The following RHBDF2 variants were observed in gnomAD, a reference collection of about 807,000 sequenced individuals.
The protein encoded by RHBDF2 is inactive rhomboid protein 2.
In RHBDF2, 38 loss-of-function variants were observed where a neutral mutation model predicts 95.2. That is an observed-to-expected ratio of 0.40 (90% CI 0.31 to 0.52). The LOEUF is 0.52. Ranked by LOEUF, RHBDF2 falls within the 20% of genes least tolerant of loss-of-function variation. The probability of loss-of-function intolerance (pLI) is 0.56; values close to 1 mark genes in which losing one functional copy is unlikely to be tolerated. For synonymous variants in RHBDF2, 442 were observed against 462.0 expected, an observed-to-expected ratio of 0.96 and a Z score of 0.55; for missense variants, 863 against 1,137.7, an observed-to-expected ratio of 0.76 and a Z score of 3.47.
chr17:76,481,167 C>T (rs541184333), intron 3 of RHBDF2, among the ~76,000 whole-genome samples: 1 of 152,308 alleles, frequency 6.6e-6, no homozygotes, highest in Non-Finnish European at 1.5e-5. Flanking sequence ...CCCCTGACCA[C>T]GATGAGAGTG....
intron 15 of RHBDF2, 42 bp downstream of exon 15, chr17:76,473,606 G>T (rs772937305): frequency 6.5e-5 from 99 of 1,518,678 alleles, no homozygotes; most frequent in South Asian, 3.7e-4. Flanking sequence ...CGCAGCTCGG[G>T]GGGGCAGTGG....
intron 8 of RHBDF2, 67 bp downstream of exon 8, chr17:76,477,113 G>A (rs954097503): frequency 6.2e-7 from 1 of 1,610,084 alleles, no homozygotes; most frequent in South Asian, 1.1e-5. Flanking sequence ...TGGGGGCCAG[G>A]GTGAGGTCTG....
intron 2 of RHBDF2, chr17:76,481,874 C>G (rs2073977523): frequency 9.6e-6 from 2 of 208,914 alleles, no homozygotes; most frequent in Non-Finnish European, 2.0e-5. Context: ...TGGCTTGAAC[C>G]CAGGAGGCAG....
At chr17:76,476,507 C>G in intron 9 of RHBDF2, 1 of 303,462 alleles carries the variant, frequency 3.3e-6, no homozygotes, top group East Asian at 7.1e-5. Flanking sequence ...CCTCCCTGCT[C>G]CACCCTCTGG....
At chr17:76,482,773 A>C (rs74961077) in intron 2 of RHBDF2, among the ~76,000 whole-genome samples, 1 of 145,772 alleles carries the variant, frequency 6.9e-6, no homozygotes, top group Non-Finnish European at 1.5e-5. Flanking sequence ...AAAATGTCTC[A>C]AAAAAAAAAG....
chr17:76,480,667 T>C (rs914051377), intron 3 of RHBDF2, among the ~76,000 whole-genome samples: 2 of 152,222 alleles, frequency 1.3e-5, no homozygotes. Flanking sequence ...ATTACAGGCA[T>C]GAGGCGACCT....
chr17:76,493,528 C>T (rs941598662), intron 1 of RHBDF2, among the ~76,000 whole-genome samples: 2 of 151,830 alleles, frequency 1.3e-5, no homozygotes, highest in African/African-American at 4.8e-5. Context: ...TGGGGAGAGT[C>T]ATGAGAGGCA....
Position 76,496,152 on chromosome 17 carries a change from C to T in RHBDF2, c.-220+5201G>A, listed in dbSNP as rs189803572. On this transcript the variant is annotated intron_variant, in intron 1 of 18. Coordinates refer to ENST00000675367, the MANE Select transcript of RHBDF2 (RefSeq NM_001005498.4). Reference sequence around the variant, plus strand: ...TGTGAGATGGGTTGATGCCCCACCACGGAGGGAGCCAGGGAAGATGACAGC... The same window carrying T: ...TGTGAGATGGGTTGATGCCCCACCATGGAGGGAGCCAGGGAAGATGACAGC... Among the ~76,000 whole-genome samples, 9 of 152,286 alleles carry T rather than the reference C, an allele frequency of 5.9e-5. No individual in the cohort carries two copies. The East Asian group carries it at 1.4e-3, about 23-fold the overall frequency.
intron 2 of RHBDF2, among the ~76,000 whole-genome samples, chr17:76,487,022 G>A (rs1240881988): frequency 4.4e-5 from 6 of 135,086 alleles, no homozygotes; most frequent in African/African-American, 1.6e-4. Context: ...GCAGTGGCAC[G>A]ATCTGAGCTC....
intron 1 of RHBDF2, among the ~76,000 whole-genome samples, chr17:76,498,848 GTGTGTGTCTCTGTGTGTCTGTT>G (rs1283150059): frequency 6.7e-6 from 1 of 148,852 alleles, no homozygotes; most frequent in African/African-American, 2.5e-5. Context: ...CTGTGTGTTT[GTGTGTGTCTCTGTGTGTCTGTT>G]TGTGTGTGTC....
In RHBDF2 at chr17:76,477,282, A is replaced by G; in HGVS notation, c.818T>C (p.Met273Thr). The G allele has an allele frequency of 6.2e-7, 1 of 1,611,938 alleles. No homozygotes were observed. Among genetic ancestry groups the G allele is most frequent in the South Asian group, 1.1e-5 (1 of 90,736 alleles). Residue 273 changes from methionine (M) to threonine (T), a missense_variant, in exon 8 of 19, where the codon ATG becomes ACG. Transcript: ENST00000675367. ...SFFSKEEMSS[M>T]PDDVFESPPL... ...GGGGGACTCAAAGACATCATCAGGC[A>G]TGGAGCTCATTTCTTCCTGGGGTGG...
chr17:76,474,589 G>A, intron 11 of RHBDF2, 55 bp from the exon 12 acceptor site: 1 of 1,610,650 alleles, frequency 6.2e-7, no homozygotes, highest in Non-Finnish European at 8.5e-7. Flanking sequence ...ACCTGGGAGG[G>A]GTCCATCACT....
At chr17:76,476,489 G>T in intron 9 of RHBDF2, 2 of 255,274 alleles carry the variant, frequency 7.8e-6, no homozygotes, top group Non-Finnish European at 1.5e-5. Context: ...TCCTCTGACC[G>T]ACCCTGCCCT....
At chr17:76,495,510 C>G (rs1027084114) in intron 1 of RHBDF2, among the ~76,000 whole-genome samples, 20 of 152,202 alleles carry the variant, frequency 1.3e-4, no homozygotes, top group Admixed American at 4.6e-4. Flanking sequence ...TAGTATCCTC[C>G]CAGGGTCTAA....
At chr17:76,494,547 T>A (rs1409017808) in intron 1 of RHBDF2, among the ~76,000 whole-genome samples, 1 of 151,440 alleles carries the variant, frequency 6.6e-6, no homozygotes, top group Non-Finnish European at 1.5e-5. Context: ...AGGTCAGGAG[T>A]TCTAGACTAG....
chr17:76,495,502 G>A (rs1598172503), intron 1 of RHBDF2, among the ~76,000 whole-genome samples: 1 of 152,236 alleles, frequency 6.6e-6, no homozygotes, highest in South Asian at 2.1e-4. Flanking sequence ...TAAGATGCTA[G>A]TATCCTCCCA....
chr17:76,477,592 A>C, intron 7 of RHBDF2, 65 bp downstream of exon 7: 1 of 1,551,530 alleles, frequency 6.4e-7, no homozygotes. Flanking sequence ...ATCAATGCCA[A>C]GGTCACCTCA....
chr17:76,498,789 A>AGTGTGTGTGTGTGTGTGTGTGTGTGTGT (rs60130089), intron 1 of RHBDF2, among the ~76,000 whole-genome samples: 2 of 143,662 alleles, frequency 1.4e-5, no homozygotes, highest in Non-Finnish European at 1.5e-5. Context: ...AGAGAAAGAG[A>AGTGTGTGTGTGTGTGTGTGTGTGTGTGT]GTGTGTGTGT....
chr17:76,478,058 T>G (rs1401354684), intron 6 of RHBDF2, among the ~76,000 whole-genome samples: 1 of 152,188 alleles, frequency 6.6e-6, no homozygotes, highest in African/African-American at 2.4e-5. Flanking sequence ...CCCCTCTGCC[T>G]TGGGCTGCTG....
Sources: gnomAD v4.1 joint callset for allele counts (sites outside exome capture counted in the v4.1 genomes callset) on GRCh38, gnomAD v4.1.1 for gene constraint, MANE v1.5 for transcripts, NCBI Gene and HGNC (gene_info 2026-07-23, HGNC 2026-07-21) for gene names.